The following PDE4C variants were observed in gnomAD, a reference collection of about 807,000 sequenced individuals.
PDE4C encodes the protein 3',5'-cyclic-AMP phosphodiesterase 4C.
A neutral mutation model predicts 63.9 loss-of-function variants in PDE4C; 50 were observed. The observed-to-expected ratio is 0.78, with a 90% confidence interval of 0.62 to 0.99. The LOEUF (loss-of-function observed/expected upper bound fraction) is 0.99, where lower values mean the gene tolerates loss of function less well. PDE4C is among the 50% of genes least tolerant of loss of function. PDE4C has a pLI of 0.00. For missense variants in PDE4C, 777 were observed against 899.1 expected (o/e 0.86, Z 1.74); for synonymous variants, 377 against 385.1 (o/e 0.98, Z 0.25).
upstream of PDE4C, among the ~76,000 whole-genome samples, chr19:18,234,535 G>A (rs1968917457): frequency 6.6e-6 from 1 of 152,182 alleles, no homozygotes; most frequent in South Asian, 2.1e-4. Flanking sequence ...GGCTGGGCGG[G>A]TGAGTGTGGT....
At chr19:18,250,058 T>A, upstream of PDE4C, 1 of 398,706 alleles carries the variant, frequency 2.5e-6, no homozygotes. Flanking sequence ...GGGGCTTTAT[T>A]TCCTCAGGTT....
intron 12 of PDE4C, among the ~76,000 whole-genome samples, chr19:18,214,588 C>G (rs1026950804): frequency 6.6e-6 from 1 of 152,052 alleles, no homozygotes; most frequent in Non-Finnish European, 1.5e-5. Context: ...TGACTTCATA[C>G]CCCTCAAACT....
chr19:18,222,678 TCTC>T (rs1568671527), intron 1 of PDE4C, among the ~76,000 whole-genome samples: 18 of 92,644 alleles, frequency 1.9e-4, no homozygotes, highest in Non-Finnish European at 4.1e-4. Flanking sequence ...TCTCTCTCTC[TCTC>T]TCTCTCGCCC....
At chr19:18,222,615 AT>A (rs909119963) in intron 1 of PDE4C, among the ~76,000 whole-genome samples, 6 of 62,428 alleles carry the variant, frequency 9.6e-5, no homozygotes, top group African/African-American at 2.5e-4. Flanking sequence ...TATTTCTTTT[AT>A]TTTTTTTCTC....
rs73925441 is a variant in PDE4C, at chr19:18,247,701, T to G, written c.-210+470A>C. Among the ~76,000 whole-genome samples the G allele has an allele frequency of 2.2e-3, 330 of 152,252 alleles. 1 individual carries two copies. Among genetic ancestry groups the G allele is most frequent in the African/African-American group, 7.4e-3 (309 of 41,560 alleles). On this transcript the variant is annotated intron_variant, in intron 1 of 15. Transcript: ENST00000594617. Reference sequence around the variant, plus strand: ...CTCAGCAGGAAGGAGAGTGTTGTCCTGCTGTGCCTCATGCTGCTGGCATCT... The same window carrying G: ...CTCAGCAGGAAGGAGAGTGTTGTCCGGCTGTGCCTCATGCTGCTGGCATCT...
chr19:18,232,900 C>A, intron 1 of PDE4C: 3 of 1,418,244 alleles, frequency 2.1e-6, no homozygotes, highest in Non-Finnish European at 2.8e-6. Flanking sequence ...CCGCCAGGCC[C>A]CGCGCGCCCC....
At chr19:18,239,603 G>A (rs1363720794) in intron 1 of PDE4C, among the ~76,000 whole-genome samples, 1 of 152,172 alleles carries the variant, frequency 6.6e-6, no homozygotes, top group African/African-American at 2.4e-5. Flanking sequence ...ACAGCTTTGG[G>A]GTAAGGCGAT....
intron 1 of PDE4C, among the ~76,000 whole-genome samples, chr19:18,240,175 C>T (rs935429193): frequency 1.3e-4 from 20 of 152,068 alleles, no homozygotes; most frequent in South Asian, 4.2e-4. Flanking sequence ...AACTGCCAGG[C>T]ATGGTGGCTC....
intron 1 of PDE4C, among the ~76,000 whole-genome samples, chr19:18,232,109 A>G (rs938353137): frequency 1.4e-4 from 21 of 152,164 alleles, no homozygotes; most frequent in Admixed American, 1.3e-3. Flanking sequence ...TCACACATGT[A>G]ATCCTAGTAC....
intron 2 of PDE4C, 93 bp downstream of exon 2, chr19:18,222,039 C>A: frequency 9.0e-7 from 1 of 1,110,282 alleles, no homozygotes; most frequent in East Asian, 2.5e-5. Context: ...TCAAAACCTT[C>A]CTTAAATGGC....
upstream of PDE4C, chr19:18,248,254 G>A: frequency 2.2e-6 from 1 of 455,810 alleles, no homozygotes; most frequent in Non-Finnish European, 4.4e-6. Flanking sequence ...CCAAGAGGGA[G>A]GCCCAGGGCT....
Position 18,220,108 on chromosome 19 carries a change from G to A in PDE4C, c.706+118C>T. On this transcript the variant is annotated intron_variant, in intron 7 of 14. Transcript: ENST00000262805. The surrounding 1 kb of genome is among the most constrained non-coding windows in gnomAD (Gnocchi z 5.1). Reference sequence around the variant, plus strand: ...TCTGATCCAGCCCTGACTCATGGGGGCTGAAGGTGTCTGTGTCTGGCTGTA... The same window carrying A: ...TCTGATCCAGCCCTGACTCATGGGGACTGAAGGTGTCTGTGTCTGGCTGTA... 1.2e-6 allele frequency: 1 copy of A among 806,080 alleles called. No individual in the cohort carries two copies. The highest frequency in any genetic ancestry group is 1.5e-5 in the South Asian group (1 of 66,062). The allele number at this position is 806,080 out of a possible 1,614,324, so 49.9% of individuals were successfully genotyped here. A position where few individuals can be genotyped will look rare whatever the true frequency, so the allele number is the denominator to read the frequency against.
Position 18,220,162 on chromosome 19 carries a change from A to C in PDE4C, c.706+64T>G. On this transcript the variant is annotated intron_variant, in intron 7 of 14. Coordinates refer to ENST00000262805, the Ensembl canonical transcript of PDE4C. This position sits in a 1 kb window ranked among gnomAD's most constrained non-coding sequence, Gnocchi z 5.1. ...CCCCCAGACTGAGGTCTATCATAGG[A>C]ATCTTTCTTTTGTTTCTTAGTACTC... 2 of 1,297,254 alleles carry C rather than the reference A, an allele frequency of 1.5e-6. No homozygotes were observed. The highest frequency in any genetic ancestry group is 1.2e-5 in the South Asian group (1 of 84,052). 80.4% of individuals were successfully genotyped at this position (1,297,254 alleles called of 1,614,324 possible). A position where few individuals can be genotyped will look rare whatever the true frequency, so the allele number is the denominator to read the frequency against.
At chr19:18,232,329 C>T (rs1489674655) in intron 1 of PDE4C, among the ~76,000 whole-genome samples, 1 of 151,890 alleles carries the variant, frequency 6.6e-6, no homozygotes, top group African/African-American at 2.4e-5. Flanking sequence ...AGACACTGCA[C>T]TTGTACCTGG....
exon 15 of PDE4C, chr19:18,211,146 C>T: frequency 1.1e-5 from 17 of 1,614,144 alleles, no homozygotes; most frequent in Non-Finnish European, 1.4e-5. Flanking sequence ...GTCTGAGGGA[C>T]TTCGGGGGAT....
upstream of PDE4C, chr19:18,226,483 G>A (rs1339235205): frequency 2.4e-6 from 3 of 1,273,992 alleles, no homozygotes; most frequent in Non-Finnish European, 3.0e-6. Context: ...AGCTGCGGGG[G>A]CGGGGCCCAG....
chr19:18,227,256 C>T (rs547844352), upstream of PDE4C, among the ~76,000 whole-genome samples: 1 of 152,252 alleles, frequency 6.6e-6, no homozygotes, highest in East Asian at 1.9e-4. Flanking sequence ...CTTCCATGGA[C>T]GCGGTCACGG....
At chr19:18,221,226 AG>A in intron 3 of PDE4C, 34 bp downstream of exon 3, 1 of 1,029,586 alleles carries the variant, frequency 9.7e-7, no homozygotes, top group Non-Finnish European at 1.4e-6. Flanking sequence ...CCGGATCCGG[AG>A]GGGGTCAGGG....
At chr19:18,217,112 C>T in intron 11 of PDE4C, 1 of 480,714 alleles carries the variant, frequency 2.1e-6, no homozygotes, top group Middle Eastern at 4.1e-4. Flanking sequence ...ACTGGGAAGG[C>T]TCCTCATGGA....
Sources: allele counts gnomAD v4.1 joint callset (sites outside exome capture counted in the v4.1 genomes callset), GRCh38; gene constraint gnomAD v4.1.1; non-coding constraint Gnocchi (gnomAD v3.1); transcripts MANE v1.5; gene names NCBI Gene and HGNC (gene_info 2026-07-23, HGNC 2026-07-21).